The following MTR variants were observed in gnomAD, a reference collection of about 807,000 sequenced individuals.
The protein encoded by MTR is methionine synthase.
In MTR, 84 loss-of-function variants were observed where a neutral mutation model predicts 154.8. That is an observed-to-expected ratio of 0.54 (90% CI 0.45 to 0.65). MTR has a LOEUF of 0.65. MTR is among the 30% of genes least tolerant of loss of function. The pLI is 0.00. For synonymous variants in MTR, 554 were observed against 553.9 expected, an observed-to-expected ratio of 1.00 and a Z score of 0.00; for missense variants, 1,275 against 1,570.2, an observed-to-expected ratio of 0.81 and a Z score of 3.18.
chr1:236,836,407 AAATT>A (rs1662907973), intron 14 of MTR, among the ~76,000 whole-genome samples: 1 of 152,076 alleles, frequency 6.6e-6, no homozygotes, highest in African/African-American at 2.4e-5. Context: ...CATTTAAAAA[AAATT>A]TTTAGTAGAG....
intron 22 of MTR, among the ~76,000 whole-genome samples, chr1:236,867,323 A>G (rs1664871939): frequency 6.6e-6 from 1 of 152,210 alleles, no homozygotes; most frequent in African/African-American, 2.4e-5. Flanking sequence ...AGCCTGGATG[A>G]GAGCACATCT....
intron 14 of MTR, among the ~76,000 whole-genome samples, chr1:236,837,906 G>A (rs533279961): frequency 6.6e-6 from 1 of 152,168 alleles, no homozygotes; most frequent in Middle Eastern, 3.4e-3. Context: ...ATATGCATTT[G>A]TTGATAATTA....
chr1:236,873,957 C>A lies in MTR; in HGVS notation c.2473+117C>A, dbSNP rs10495387. ...CCCCATGAGGGTTCTGTGGGACATA[C>A]AATCAAGTGCCAGCTCCTGCACCAG... On this transcript the variant is annotated intron_variant, in intron 23 of 32. Coordinates refer to ENST00000366577, the MANE Select transcript of MTR (RefSeq NM_000254.3). 37,839 of 997,328 alleles carry A rather than the reference C, an allele frequency of 0.038. 1,740 individuals carry two copies. Among genetic ancestry groups the A allele is most frequent in the African/African-American group, 0.19 (11,737 of 62,714 alleles). 61.8% of individuals were successfully genotyped at this position (997,328 alleles called of 1,614,324 possible). A position where few individuals can be genotyped will look rare whatever the true frequency, so the allele number is the denominator to read the frequency against.
At chr1:236,804,509 T>A (rs1391355391) in intron 2 of MTR, among the ~76,000 whole-genome samples, 1 of 152,230 alleles carries the variant, frequency 6.6e-6, no homozygotes, top group Non-Finnish European at 1.5e-5. Context: ...TAATTTGCAT[T>A]TTTTACTTAT....
intron 1 of MTR, among the ~76,000 whole-genome samples, chr1:236,798,448 A>G (rs1250678671): frequency 2.6e-5 from 4 of 152,198 alleles, no homozygotes; most frequent in African/African-American, 9.6e-5. Context: ...CTTGCTGTGA[A>G]TCAGAATATT....
chr1:236,796,849 T>C (rs1356608707), intron 1 of MTR, among the ~76,000 whole-genome samples: 4 of 152,026 alleles, frequency 2.6e-5, no homozygotes, highest in African/African-American at 9.7e-5. Flanking sequence ...TAAATGATCA[T>C]AGGGAGATCA....
At position 236,825,293 on chromosome 1, in the gene MTR, A is replaced by AT. The variant is rs5781926; in HGVS notation, c.866-40dup. 0.39 allele frequency: 558,618 copies of AT among 1,431,968 alleles called. 113,060 individuals carry two copies. Among genetic ancestry groups the AT allele is most frequent in the Admixed American group, 0.44 (26,026 of 59,682 alleles). The allele number at this position is 1,431,968 out of a possible 1,614,324, so 88.7% of individuals were successfully genotyped here. On this transcript the variant is annotated intron_variant, in intron 9 of 32. Coordinates refer to ENST00000366577, the MANE Select transcript of MTR (RefSeq NM_000254.3). Reference sequence around the variant, plus strand: ...TAAAGTCTTTAAAAATACAGTGTATATTTTTAAGGCAATTTGCAATAATGG... The same window carrying AT: ...TAAAGTCTTTAAAAATACAGTGTATATTTTTTAAGGCAATTTGCAATAATGG...
Position 236,812,749 on chromosome 1 carries a change from CTTG to C in MTR, c.518_520del (p.Val173del), listed in dbSNP as rs1196874828. 1.2e-6 allele frequency: 2 copies of C among 1,613,898 alleles called. No homozygotes were observed. Among genetic ancestry groups the C allele is most frequent in the Non-Finnish European group, 1.7e-6 (2 of 1,179,876 alleles). The stretch of plus-strand genomic sequence containing the variant: ...TTTATTTTTTGCAGCATTTGATGAG[CTTG>C]TTGAAGCATACCAAGAGCAGGCCAA... On this transcript the variant is annotated inframe_deletion, in exon 6 of 33. Coordinates refer to ENST00000366577, the MANE Select transcript of MTR (RefSeq NM_000254.3).
At chr1:236,831,537 T>TA (rs2103128017) in intron 12 of MTR, among the ~76,000 whole-genome samples, 1 of 152,324 alleles carries the variant, frequency 6.6e-6, no homozygotes, top group Admixed American at 6.5e-5. Flanking sequence ...TTGGTGGGAT[T>TA]AAAAAAGCTT....
At chr1:236,852,835 G>A in intron 17 of MTR, 113 bp from the exon 18 acceptor site, 3 of 1,314,832 alleles carry the variant, frequency 2.3e-6, no homozygotes, top group Non-Finnish European at 3.3e-6. Context: ...GAGTAGCTGT[G>A]ACAGAGGCTA....
rs192337566 is a variant in MTR at position 236,866,606 on chromosome 1, A to T, written c.2405+3052A>T. 4.1e-3 allele frequency among the ~76,000 whole-genome samples: 620 copies of T among 152,356 alleles called. 4 individuals are homozygous for T. Among genetic ancestry groups the T allele is most frequent in the African/African-American group, 0.014 (601 of 41,588 alleles). On this transcript the variant is annotated intron_variant, in intron 22 of 32. Coordinates refer to ENST00000366577, the MANE Select transcript of MTR (RefSeq NM_000254.3). ...AAGTTTAGTGAGGAAGGCATGTCAA[A>T]AACTGAAATAGGCTGAAAACTAGGC...
chr1:236,812,181 G>T (rs999648946), intron 5 of MTR, among the ~76,000 whole-genome samples: 3 of 152,244 alleles, frequency 2.0e-5, no homozygotes, highest in Non-Finnish European at 2.9e-5. Flanking sequence ...GCCAACCCAA[G>T]ACATTTCTAA....
chr1:236,894,784 C>T (rs1666530691), intron 30 of MTR: 1 of 576,048 alleles, frequency 1.7e-6, no homozygotes, highest in Non-Finnish European at 3.1e-6. Context: ...AATGGTGCCA[C>T]AGTTGGCTGT....
At chr1:236,863,396 A>C (rs12731423) in intron 21 of MTR, 58 bp from the exon 22 acceptor site, 2 of 1,362,598 alleles carry the variant, frequency 1.5e-6, no homozygotes, top group South Asian at 2.3e-5. Flanking sequence ...GCTCTGGAGA[A>C]CTAGGTGTTC....
chr1:236,816,868 T>C (rs1661626685), intron 8 of MTR, among the ~76,000 whole-genome samples: 1 of 152,168 alleles, frequency 6.6e-6, no homozygotes, highest in Non-Finnish European at 1.5e-5. Flanking sequence ...AGAAGCAATC[T>C]GTCATGGAAT....
chr1:236,856,638 A>G (rs1664222496), intron 18 of MTR, among the ~76,000 whole-genome samples: 1 of 151,752 alleles, frequency 6.6e-6, no homozygotes, highest in South Asian at 2.1e-4. Context: ...CCATCACCCC[A>G]TCATCTATAT....
intron 10 of MTR, among the ~76,000 whole-genome samples, chr1:236,825,904 C>G (rs1373233630): frequency 2.0e-5 from 3 of 152,220 alleles, no homozygotes; most frequent in African/African-American, 7.2e-5. Flanking sequence ...TTTTTAGCTT[C>G]TGTTTCACTG....
intron 6 of MTR, among the ~76,000 whole-genome samples, chr1:236,813,834 G>A (rs1661443768): frequency 6.6e-6 from 1 of 152,082 alleles, no homozygotes; most frequent in Non-Finnish European, 1.5e-5. Context: ...TGGTGGTAGT[G>A]TTGTGTTATT....
At position 236,876,573 on chromosome 1, in the gene MTR, G is replaced by A. The variant is rs184010562; in HGVS notation, c.2594+1727G>A. Among the ~76,000 whole-genome samples the A allele has an allele frequency of 7.8e-4, 119 of 152,272 alleles. 3 individuals carry two copies. The highest frequency in any genetic ancestry group is 2.8e-3 in the African/African-American group (117 of 41,566). ...ATAATTAAAATACATTATGTGTTAT[G>A]TAAATATGATGCTGGCTTCAAAAAA... On this transcript the variant is annotated intron_variant, in intron 24 of 32. Coordinates refer to ENST00000366577, the MANE Select transcript of MTR (RefSeq NM_000254.3).
Sources: allele counts gnomAD v4.1 joint callset (sites outside exome capture counted in the v4.1 genomes callset), GRCh38; gene constraint gnomAD v4.1.1; transcripts MANE v1.5; gene names NCBI Gene and HGNC (gene_info 2026-07-23, HGNC 2026-07-21).